Variants in C4BPA observed in about 807,000 individuals in gnomAD.
C4BPA encodes complement component 4 binding protein alpha.
C4BPA carries 31 observed loss-of-function variants against 63.7 expected under a neutral mutation model. That is an observed-to-expected ratio of 0.49 (90% CI 0.37 to 0.66). The LOEUF (loss-of-function observed/expected upper bound fraction) is 0.66, where lower values mean the gene tolerates loss of function less well. Ranked by LOEUF, C4BPA falls within the 30% of genes least tolerant of loss-of-function variation. C4BPA has a pLI of 0.00. For missense variants in C4BPA, 572 were observed against 723.3 expected (o/e 0.79, Z 2.40); for synonymous variants, 259 against 254.7 (o/e 1.02, Z -0.16).
intron 1 of C4BPA, among the ~76,000 whole-genome samples, chr1:207,111,711 A>G (rs1641647586): frequency 6.6e-6 from 1 of 152,154 alleles, no homozygotes; most frequent in South Asian, 2.1e-4. Context: ...ACAGTCCTAC[A>G]TTATGTGGGA....
chr1:207,119,035 C>CG (rs77071388), intron 4 of C4BPA, among the ~76,000 whole-genome samples: 87,567 of 150,610 alleles, frequency 0.58, 26,792 homozygotes, highest in East Asian at 0.73. Flanking sequence ...CAAGGACAAA[C>CG]TGGAACCTGC....
rs372653981 is a variant in C4BPA at position 207,144,716 on chromosome 1, A to G, written c.1793A>G (p.Ter598=). The G allele has an allele frequency of 7.5e-6, 12 of 1,592,466 alleles. No individual in the cohort carries two copies. The African/African-American group carries it at 1.1e-4, about 14-fold the overall frequency. ...CAATCCACTTTGGATAAAGAACTAT[A>G]ATTTTTCTCAAAAGAAGGAGGAAAA... ...ARQSTLDKEL[*] Residue 598 remains the stop codon, a stop_retained_variant, in exon 12 of 12, where the codon TAA becomes TGA. Transcript: ENST00000367070.
intron 1 of C4BPA, among the ~76,000 whole-genome samples, chr1:207,109,830 G>T (rs1684629264): frequency 1.3e-5 from 2 of 152,230 alleles, no homozygotes; most frequent in South Asian, 4.1e-4. Context: ...GAATGGAAGA[G>T]CCTAGAGTAA....
intron 7 of C4BPA, among the ~76,000 whole-genome samples, chr1:207,127,902 G>C (rs569061941): frequency 3.9e-5 from 6 of 152,100 alleles, no homozygotes; most frequent in Non-Finnish European, 5.9e-5. Flanking sequence ...GGGTAAAAAA[G>C]TTATTTGGGG....
chr1:207,123,198 A>T (rs539149996), intron 4 of C4BPA, among the ~76,000 whole-genome samples: 1 of 152,334 alleles, frequency 6.6e-6, no homozygotes, highest in African/African-American at 2.4e-5. Flanking sequence ...AGAAATTTTA[A>T]AGTAAAGAAA....
chr1:207,142,939 G>T (rs963218231), intron 10 of C4BPA, among the ~76,000 whole-genome samples: 1 of 152,090 alleles, frequency 6.6e-6, no homozygotes, highest in African/African-American at 2.4e-5. Context: ...GATTCCTCAA[G>T]GATCTAGAAC....
At chr1:207,110,736 A>G (rs905995433) in intron 1 of C4BPA, among the ~76,000 whole-genome samples, 1 of 152,176 alleles carries the variant, frequency 6.6e-6, no homozygotes, top group Admixed American at 6.5e-5. Context: ...GGCATTTAAG[A>G]TATTTTTGTT....
chr1:207,124,968 C>T (rs1265615726), intron 6 of C4BPA, among the ~76,000 whole-genome samples: 2 of 152,200 alleles, frequency 1.3e-5, no homozygotes, highest in East Asian at 3.8e-4. Context: ...AGATGAAACA[C>T]ATATGCCTGT....
Position 207,134,593 on chromosome 1 carries a change from G to A in C4BPA, c.1273+1G>A, listed in dbSNP as rs1685239834. On this transcript the variant is annotated splice_donor_variant, in intron 9 of 11. Transcript: ENST00000367070. LOFTEE classifies it high-confidence loss of function. ...CCCCGAACACCATCATGTGGAGACA[G>A]TAAGAGTTCATAGAATTATCTTATT... The A allele has an allele frequency of 6.2e-7, 1 of 1,600,232 alleles. No individual in the cohort carries two copies. Among genetic ancestry groups the A allele is most frequent in the Non-Finnish European group, 8.5e-7 (1 of 1,170,850 alleles).
chr1:207,131,869 A>G (rs1355049898), intron 8 of C4BPA, 129 bp downstream of exon 8: 10 of 653,280 alleles, frequency 1.5e-5, no homozygotes, highest in Middle Eastern at 3.9e-4. Flanking sequence ...CAGATTAGTA[A>G]ACTGTTAGTG....
chr1:207,131,088 A>G (rs1685148320), intron 7 of C4BPA, among the ~76,000 whole-genome samples: 1 of 152,180 alleles, frequency 6.6e-6, no homozygotes, highest in Admixed American at 6.5e-5. Flanking sequence ...AGAGGACAAG[A>G]TCCAAGGCCC....
chr1:207,108,462 T>C (rs887357361), intron 1 of C4BPA, among the ~76,000 whole-genome samples: 2 of 152,212 alleles, frequency 1.3e-5, no homozygotes, highest in Non-Finnish European at 2.9e-5. Flanking sequence ...TATCATCTGC[T>C]TTTTTGCAGC....
intron 2 of C4BPA, among the ~76,000 whole-genome samples, chr1:207,113,714 G>A (rs959880041): frequency 6.6e-6 from 1 of 152,180 alleles, no homozygotes; most frequent in Admixed American, 6.5e-5. Flanking sequence ...ACAATAATAT[G>A]TTTCTGTTGA....
In C4BPA at chr1:207,134,380, T is replaced by C. The variant is rs114919037; in HGVS notation, c.1085-24T>C. The C allele has an allele frequency of 1.8e-4, 292 of 1,580,796 alleles. 2 individuals carry two copies. In the African/African-American group the frequency reaches 2.9e-3, roughly 16 times the overall value. On this transcript the variant is annotated intron_variant, in intron 8 of 11. Coordinates refer to ENST00000367070, the MANE Select transcript of C4BPA (RefSeq NM_000715.4). ...TTCCTCATGGTGATTTTACTAACCA[T>C]GCACCTCACATTTTATTTTTCAGCG...
At chr1:207,133,332 T>C (rs1685201952) in intron 8 of C4BPA, among the ~76,000 whole-genome samples, 1 of 152,262 alleles carries the variant, frequency 6.6e-6, no homozygotes, top group African/African-American at 2.4e-5. Context: ...CTGGTCGAGT[T>C]ACTGACATGG....
chr1:207,137,189 G>A lies in C4BPA; in HGVS notation c.1273+2597G>A, dbSNP rs558178544. On this transcript the variant is annotated intron_variant, in intron 9 of 11. Transcript: ENST00000367070. ...GTCAATTTGATTTCTAGATCCAGCCGAAGAGCCCACATAAGAGCTAAGGGG... is the reference window on the plus strand; with the variant it reads ...GTCAATTTGATTTCTAGATCCAGCCAAAGAGCCCACATAAGAGCTAAGGGG... Among the ~76,000 whole-genome samples the A allele has an allele frequency of 3.9e-5, 6 of 152,292 alleles. No homozygotes were observed. In the East Asian group the frequency reaches 9.6e-4, roughly 24 times the overall value.
intron 10 of C4BPA, among the ~76,000 whole-genome samples, chr1:207,143,282 A>C (rs1469807820): frequency 1.3e-5 from 2 of 151,934 alleles, no homozygotes; most frequent in East Asian, 1.9e-4. Flanking sequence ...GGGAGCTGAA[A>C]AATGAGAACA....
chr1:207,105,963 A>G (rs1180132751), intron 1 of C4BPA, among the ~76,000 whole-genome samples: 1 of 152,254 alleles, frequency 6.6e-6, no homozygotes, highest in Non-Finnish European at 1.5e-5. Flanking sequence ...TGGCTAGAGT[A>G]GTCTCAGCTT....
In C4BPA at chr1:207,143,443, C is replaced by T. The variant is rs1020617685; in HGVS notation, c.1445-375C>T. Among the ~76,000 whole-genome samples the T allele has an allele frequency of 7.2e-5, 11 of 152,054 alleles. No individual in the cohort carries two copies. The South Asian group carries it at 8.3e-4, about 12-fold the overall frequency. On this transcript the variant is annotated intron_variant, in intron 10 of 11. Transcript: ENST00000367070. ...GGCACATGCATACCTATGTAACAAACCTGTAGATTCTGCACATGTATCCCA... is the reference window on the plus strand; with the variant it reads ...GGCACATGCATACCTATGTAACAAATCTGTAGATTCTGCACATGTATCCCA...
Sources: allele counts gnomAD v4.1 joint callset (sites outside exome capture counted in the v4.1 genomes callset), GRCh38; gene constraint gnomAD v4.1.1; transcripts MANE v1.5; gene names NCBI Gene and HGNC (gene_info 2026-07-23, HGNC 2026-07-21).